The following PCDHB12 variants were observed in gnomAD, a reference collection of about 807,000 sequenced individuals.
The protein encoded by PCDHB12 is protocadherin beta 12, also known as protocadherin beta-12.
For missense variants in PCDHB12, 1,192 were observed against 998.2 expected, an observed-to-expected ratio of 1.19 and a Z score of -2.62; for synonymous variants, 560 against 445.2, an observed-to-expected ratio of 1.26 and a Z score of -3.24.
Position 141,209,093 on chromosome 5 carries a change from G to A in PCDHB12, c.186G>A (p.Arg62=). Residue 62 remains arginine, a synonymous_variant, in exon 1 of 1, where the codon CGG becomes CGA. Coordinates refer to ENST00000239450, the MANE Select transcript of PCDHB12 (RefSeq NM_018932.4). Reference sequence around the variant, plus strand: ...TCGAGGTGAGTGAGCTGTCTTCGCGGGGGGCTCGGGTGGTTTCTAATGATA... The same window carrying A: ...TCGAGGTGAGTGAGCTGTCTTCGCGAGGGGCTCGGGTGGTTTCTAATGATA... ...LGLEVSELSS[R]GARVVSNDNK... 6.2e-7 allele frequency: 1 copy of A among 1,613,486 alleles called. No individual in the cohort carries two copies. Among genetic ancestry groups the A allele is most frequent in the Non-Finnish European group, 8.5e-7 (1 of 1,179,512 alleles).
In PCDHB12 at chr5:141,211,334, T is replaced by A. The variant is rs782484801; in HGVS notation, c.*39T>A. On this transcript the variant is annotated 3_prime_UTR_variant, in exon 1 of 1. Coordinates refer to ENST00000239450, the MANE Select transcript of PCDHB12 (RefSeq NM_018932.4). ...ATAAAACCTGTGTTTATGAATACATTTATAATTAGGAACTTATCGTGAGGT... is the reference window on the plus strand; with the variant it reads ...ATAAAACCTGTGTTTATGAATACATATATAATTAGGAACTTATCGTGAGGT... 3 of 1,550,852 alleles carry A rather than the reference T, an allele frequency of 1.9e-6. No homozygotes were observed. The highest frequency in any genetic ancestry group is 2.6e-6 in the Non-Finnish European group (3 of 1,149,792).
chr5:141,210,094 C>G lies in PCDHB12; in HGVS notation c.1187C>G (p.Ser396Trp). 1 of 1,614,150 alleles carries G rather than the reference C, an allele frequency of 6.2e-7. No homozygotes were observed. Among genetic ancestry groups the G allele is most frequent in the Non-Finnish European group, 8.5e-7 (1 of 1,180,038 alleles). Residue 396 changes from serine to tryptophan, a missense_variant, in exon 1 of 1, where the codon TCG (serine) becomes TGG (tryptophan). Transcript: ENST00000239450. Reference protein sequence around the residue: ...PEDIPFVLKSSVNNYYTLETE... With the variant: ...PEDIPFVLKSWVNNYYTLETE... ...GACATCCCATTCGTGCTAAAATCTT[C>G]GGTAAATAATTACTACACTTTGGAA...
In PCDHB12 at chr5:141,211,393, A is replaced by G. The variant is rs1754459368; in HGVS notation, c.*98A>G. On this transcript the variant is annotated 3_prime_UTR_variant, in exon 1 of 1. Coordinates refer to ENST00000239450, the MANE Select transcript of PCDHB12 (RefSeq NM_018932.4). ...AGTAGTATTTTTGATCACTTCAAAT[A>G]CATACTCTTCAAGTCAAGAAATAAA... 8.5e-7 allele frequency: 1 copy of G among 1,170,510 alleles called. No homozygotes were observed. The highest frequency in any genetic ancestry group is 1.2e-6 in the Non-Finnish European group (1 of 810,076). The allele number at this position is 1,170,510 out of a possible 1,614,324, so 72.5% of individuals were successfully genotyped here. A position where few individuals can be genotyped will look rare whatever the true frequency, so the allele number is the denominator to read the frequency against.
rs1354810339 is a variant in PCDHB12, at chr5:141,211,122, G to C, written c.2215G>C (p.Val739Leu). The change falls in exon 1 of 1, where the codon GTG (valine) becomes CTG (leucine). Residue 739 changes from valine to leucine, a missense_variant. Coordinates refer to ENST00000239450, the MANE Select transcript of PCDHB12 (RefSeq NM_018932.4). Reference protein sequence around the residue: ...EGPFPGHLVDVSGTGTLSQSY... With the variant: ...EGPFPGHLVDLSGTGTLSQSY... ...CCCCTTTCCAGGACATCTGGTGGACGTGAGTGGCACCGGGACCCTGTCCCA... is the reference window on the plus strand; with the variant it reads ...CCCCTTTCCAGGACATCTGGTGGACCTGAGTGGCACCGGGACCCTGTCCCA... 3.1e-6 allele frequency: 5 copies of C among 1,614,076 alleles called. No individual in the cohort carries two copies.
Position 141,210,456 on chromosome 5 carries a change from A to C in PCDHB12, c.1549A>C (p.Arg517=). 1 of 1,612,932 alleles carries C rather than the reference A, an allele frequency of 6.2e-7. No individual in the cohort carries two copies. Among genetic ancestry groups the C allele is most frequent in the Non-Finnish European group, 8.5e-7 (1 of 1,179,888 alleles). Reference sequence around the variant, plus strand: ...GGACAACGGCCACCTGTTTGCCCTCAGGTCGCTGGACTACGAGGCCCTGCA... The same window carrying C: ...GGACAACGGCCACCTGTTTGCCCTCCGGTCGCTGGACTACGAGGCCCTGCA... ...NADNGHLFAL[R]SLDYEALQGF... Residue 517 remains arginine, a synonymous_variant, in exon 1 of 1, where the codon AGG becomes CGG. Coordinates refer to ENST00000239450, the MANE Select transcript of PCDHB12 (RefSeq NM_018932.4).
rs781840216 is a variant in PCDHB12, at chr5:141,209,736, C to A, written c.829C>A (p.Leu277Ile). ...WDLDSGTNSELSYTFSHASED... is the reference protein window; with the variant it reads ...WDLDSGTNSEISYTFSHASED... ...TTTAGACTCTGGAACAAACAGTGAACTATCCTATACCTTTTCCCATGCCTC... is the reference window on the plus strand; with the variant it reads ...TTTAGACTCTGGAACAAACAGTGAAATATCCTATACCTTTTCCCATGCCTC... Residue 277 changes from leucine (L) to isoleucine (I), a missense_variant, in exon 1 of 1, where the codon CTA becomes ATA. Coordinates refer to ENST00000239450, the MANE Select transcript of PCDHB12 (RefSeq NM_018932.4). 16 of 1,614,122 alleles carry A rather than the reference C, an allele frequency of 9.9e-6. No individual in the cohort carries two copies. The Admixed American group carries it at 2.5e-4, about 25-fold the overall frequency.
chr5:141,211,450 T>A lies in PCDHB12; in HGVS notation c.*155T>A. The A allele has an allele frequency of 1.2e-6, 1 of 826,626 alleles. No individual in the cohort carries two copies. The highest frequency in any genetic ancestry group is 2.0e-6 in the Non-Finnish European group (1 of 496,190). 51.2% of individuals were successfully genotyped at this position (826,626 alleles called of 1,614,324 possible). On this transcript the variant is annotated 3_prime_UTR_variant, in exon 1 of 1. Coordinates refer to ENST00000239450, the MANE Select transcript of PCDHB12 (RefSeq NM_018932.4). Reference sequence around the variant, plus strand: ...TACATAGAAAAGGATACAGATTTAGTACCAAGAACACTTCACAAAGCAGGA... The same window carrying A: ...TACATAGAAAAGGATACAGATTTAGAACCAAGAACACTTCACAAAGCAGGA...
chr5:141,209,525 G>C lies in PCDHB12; in HGVS notation c.618G>C (p.Pro206=). The C allele has an allele frequency of 6.2e-7, 1 of 1,614,180 alleles. No homozygotes were observed. Among genetic ancestry groups the C allele is most frequent in the Non-Finnish European group, 8.5e-7 (1 of 1,180,036 alleles). The part of the protein sequence containing the change: ...LDKALDYEER[P]ELSFILTALD... ...AGGCGCTGGATTATGAAGAGCGCCCGGAGCTCAGTTTCATCCTCACTGCTC... is the reference window on the plus strand; with the variant it reads ...AGGCGCTGGATTATGAAGAGCGCCCCGAGCTCAGTTTCATCCTCACTGCTC... Residue 206 remains proline, a synonymous_variant, in exon 1 of 1, where the codon CCG becomes CCC. Coordinates refer to ENST00000239450, the MANE Select transcript of PCDHB12 (RefSeq NM_018932.4).
In PCDHB12 at chr5:141,212,523, T is replaced by C; in HGVS notation, c.*1228T>C. The C allele has an allele frequency of 6.6e-6, 1 of 152,178 alleles. No individual in the cohort carries two copies. The highest frequency in any genetic ancestry group is 2.4e-5 in the African/African-American group (1 of 41,454). The allele number at this position is 152,178 out of a possible 1,614,324, so 9.4% of individuals were successfully genotyped here. A position where few individuals can be genotyped will look rare whatever the true frequency, so the allele number is the denominator to read the frequency against. The stretch of plus-strand genomic sequence containing the variant: ...AATTTTTGCATAGTTGTGTTCTAAA[T>C]ATATTATAAACTAGTGCCAGTAACT... On this transcript the variant is annotated 3_prime_UTR_variant, in exon 1 of 1. Transcript: ENST00000239450.
chr5:141,211,086 G>A lies in PCDHB12; in HGVS notation c.2179G>A (p.Val727Met), dbSNP rs62378914. 4.9e-3 allele frequency: 7,933 copies of A among 1,613,862 alleles called. 45 individuals are homozygous for A. The highest frequency in any genetic ancestry group is 6.2e-3 in the Non-Finnish European group (7,274 of 1,180,034). Residue 727 changes from valine (V) to methionine (M), a missense_variant, in exon 1 of 1, where the codon GTG becomes ATG. Val to Met is a conservative substitution (Grantham distance 21). Transcript: ENST00000239450. ...SRAAPVGRCS[V>M]PEGPFPGHLV... ...GGCGGCCCCGGTCGGTCGCTGCTCG[G>A]TGCCTGAGGGCCCCTTTCCAGGACA...
At position 141,210,926 on chromosome 5, in the gene PCDHB12, C is replaced by T; in HGVS notation, c.2019C>T (p.Leu673=). Residue 673 remains leucine (L), a synonymous_variant, in exon 1 of 1, where the codon CTC becomes CTT. Transcript: ENST00000239450. The part of the protein sequence containing the change: ...VDGFSQPYLP[L]PEAAPAQAQA... The stretch of plus-strand genomic sequence containing the variant: ...GCTTCTCCCAGCCCTACCTGCCTCT[C>T]CCGGAGGCGGCCCCGGCCCAGGCCC... 6.2e-7 allele frequency: 1 copy of T among 1,610,904 alleles called. No homozygotes were observed. Among genetic ancestry groups the T allele is most frequent in the East Asian group, 2.2e-5 (1 of 44,866 alleles).
In PCDHB12 at chr5:141,211,352, C is replaced by A; in HGVS notation, c.*57C>A. 6.7e-7 allele frequency: 1 copy of A among 1,481,716 alleles called. No homozygotes were observed. Among genetic ancestry groups the A allele is most frequent in the Admixed American group, 2.1e-5 (1 of 48,116 alleles). The allele number at this position is 1,481,716 out of a possible 1,614,324, so 91.8% of individuals were successfully genotyped here. The stretch of plus-strand genomic sequence containing the variant: ...AATACATTTATAATTAGGAACTTAT[C>A]GTGAGGTGCCTGTAAAGTAGTATTT... On this transcript the variant is annotated 3_prime_UTR_variant, in exon 1 of 1. Coordinates refer to ENST00000239450, the MANE Select transcript of PCDHB12 (RefSeq NM_018932.4).
chr5:141,210,463 T>C lies in PCDHB12; in HGVS notation c.1556T>C (p.Leu519Pro). The change falls in exon 1 of 1, where the codon CTG becomes CCG. Residue 519 changes from leucine (L) to proline (P), a missense_variant. Transcript: ENST00000239450. The stretch of plus-strand genomic sequence containing the variant: ...GGCCACCTGTTTGCCCTCAGGTCGC[T>C]GGACTACGAGGCCCTGCAGGGGTTC... ...DNGHLFALRS[L>P]DYEALQGFQF... 6.2e-7 allele frequency: 1 copy of C among 1,612,912 alleles called. No individual in the cohort carries two copies. Among genetic ancestry groups the C allele is most frequent in the East Asian group, 2.2e-5 (1 of 44,876 alleles).
Position 141,211,472 on chromosome 5 carries a change from A to T in PCDHB12, c.*177A>T. On this transcript the variant is annotated 3_prime_UTR_variant, in exon 1 of 1. Transcript: ENST00000239450. The stretch of plus-strand genomic sequence containing the variant: ...TAGTACCAAGAACACTTCACAAAGC[A>T]GGAAATGTGCATGTGTAATGGTTTA... 1.3e-6 allele frequency: 1 copy of T among 741,172 alleles called. No individual in the cohort carries two copies. The highest frequency in any genetic ancestry group is 2.4e-6 in the Non-Finnish European group (1 of 425,224). The allele number at this position is 741,172 out of a possible 1,614,324, so 45.9% of individuals were successfully genotyped here.
rs1554287095 is a variant in PCDHB12, at chr5:141,210,960, T to A, written c.2053T>A (p.Ser685Thr). ...EAAPAQAQAD[S>T]LTVYLVVALA... ...GGCCCCGGCCCAGGCCCAGGCCGAC[T>A]CGCTCACTGTCTACCTGGTGGTGGC... The change falls in exon 1 of 1, where the codon TCG becomes ACG. Residue 685 changes from serine (S) to threonine (T), a missense_variant. Physicochemically the swap from Ser to Thr is moderately conservative, Grantham distance 58. Coordinates refer to ENST00000239450, the MANE Select transcript of PCDHB12 (RefSeq NM_018932.4). The A allele has an allele frequency of 1.2e-6, 2 of 1,611,692 alleles. No homozygotes were observed. The highest frequency in any genetic ancestry group is 2.2e-5 in the South Asian group (2 of 91,024).
rs1554286712 is a variant in PCDHB12, at chr5:141,209,671, G to A, written c.764G>A (p.Ser255Asn). 5 of 1,614,210 alleles carry A rather than the reference G, an allele frequency of 3.1e-6. No individual in the cohort carries two copies. Among genetic ancestry groups the A allele is most frequent in the Non-Finnish European group, 4.2e-6 (5 of 1,180,046 alleles). ...AFYEVKILEN[S>N]ILGSLVVTVS... is the part of the protein sequence containing the mutation. ...TATGAGGTGAAGATTCTGGAGAATA[G>A]CATCCTTGGCTCCCTGGTTGTGACC... Residue 255 changes from serine (S) to asparagine (N), a missense_variant, in exon 1 of 1, where the codon AGC (serine) becomes AAC (asparagine). Transcript: ENST00000239450.
chr5:141,211,290 T>C lies in PCDHB12; in HGVS notation c.2383T>C (p.Phe795Leu), dbSNP rs1754456920. ...ENPPFQNNLG[F>L] The stretch of plus-strand genomic sequence containing the variant: ...TCCCCCATTTCAGAATAATTTGGGT[T>C]TCTGATAAAGAATGAAAAATAAAAC... The change falls in exon 1 of 1, where the codon TTC becomes CTC. Residue 795 changes from phenylalanine (F) to leucine (L), a missense_variant. By Grantham distance (22) the Phe-to-Leu change is conservative (BLOSUM62 0). Transcript: ENST00000239450. 6.3e-7 allele frequency: 1 copy of C among 1,582,136 alleles called. No individual in the cohort carries two copies. The highest frequency in any genetic ancestry group is 1.4e-5 in the African/African-American group (1 of 72,982).
At position 141,211,169 on chromosome 5, in the gene PCDHB12, T is replaced by A. The variant is rs1754453330; in HGVS notation, c.2262T>A (p.Cys754Ter). ...TLSQSYHYEV[C>*]VTGGSRSNKF... The stretch of plus-strand genomic sequence containing the variant: ...CCCAGAGCTACCACTATGAGGTGTG[T>A]GTGACTGGAGGCTCCAGGTCAAATA... Residue 754 changes from cysteine (C) to a stop codon, truncating the protein, a stop_gained, in exon 1 of 1, where the codon TGT becomes TGA. Coordinates refer to ENST00000239450, the MANE Select transcript of PCDHB12 (RefSeq NM_018932.4). LOFTEE classifies it low-confidence loss of function (END_TRUNC). The A allele has an allele frequency of 1.9e-6, 3 of 1,614,052 alleles. No homozygotes were observed. Among genetic ancestry groups the A allele is most frequent in the South Asian group, 2.2e-5 (2 of 91,088 alleles).
At position 141,210,688 on chromosome 5, in the gene PCDHB12, G is replaced by A. The variant is rs369384082; in HGVS notation, c.1781G>A (p.Gly594Asp). The A allele has an allele frequency of 4.3e-6, 7 of 1,610,296 alleles. No individual in the cohort carries two copies. The African/African-American group carries it at 9.3e-5, about 22-fold the overall frequency. Residue 594 changes from glycine to aspartate, a missense_variant, in exon 1 of 1, where the codon GGT (glycine) becomes GAT (aspartate). Coordinates refer to ENST00000239450, the MANE Select transcript of PCDHB12 (RefSeq NM_018932.4). ...GTGACCAAGGTGGTGGCGGTGGACG[G>A]TGACTCGGGCCAGAACGCCTGGCTG... is the stretch of plus-strand genomic sequence containing the variant. ...YLVTKVVAVD[G>D]DSGQNAWLSY...
Sources: gnomAD v4.1 joint callset for allele counts on GRCh38, gnomAD v4.1.1 for gene constraint, MANE v1.5 for transcripts, NCBI Gene and HGNC (gene_info 2026-07-23, HGNC 2026-07-21) for gene names.